DLGAP2: variants seen among roughly 807,000 people sequenced by gnomAD.
The protein encoded by DLGAP2 is disks large-associated protein 2.
A neutral mutation model predicts 100.3 loss-of-function variants in DLGAP2; 26 were observed. The ratio of observed to expected loss-of-function variants is 0.26; its 90% CI spans 0.19 to 0.36. The LOEUF is 0.36. DLGAP2 is among the 10% of genes least tolerant of loss of function. The pLI is 1.00. For synonymous variants in DLGAP2, 886 were observed against 630.1 expected (o/e 1.41, Z -6.08); for missense variants, 1,858 against 1,453.2 (o/e 1.28, Z -4.53).
chr8:1,239,408 T>TCTCA, intron 2 of DLGAP2, among the ~76,000 whole-genome samples: 2 of 17,734 alleles, frequency 1.1e-4, no homozygotes, highest in Admixed American at 5.3e-4. Flanking sequence ...TCTAGTTCTC[T>TCTCA]CACATGGCGC....
At chr8:1,216,892 A>T (rs1798224052) in intron 2 of DLGAP2, among the ~76,000 whole-genome samples, 2 of 152,196 alleles carry the variant, frequency 1.3e-5, no homozygotes. Context: ...GAGGTGTTTA[A>T]TCCCCACACA....
rs540434435 is a variant in DLGAP2 at position 1,347,285 on chromosome 8, C to T, written c.106+88402C>T. On this transcript the variant is annotated intron_variant, in intron 3 of 14. Transcript: ENST00000637795. Reference sequence around the variant, plus strand: ...CCCACATAGAGCTACACTGCACTCACGGTAGCTGTGTGGAGGTTGAGTTCC... The same window carrying T: ...CCCACATAGAGCTACACTGCACTCATGGTAGCTGTGTGGAGGTTGAGTTCC... Among the ~76,000 whole-genome samples the T allele has an allele frequency of 1.9e-3, 234 of 124,978 alleles. 1 individual carries two copies. The highest frequency in any genetic ancestry group is 6.4e-3 in the African/African-American group (207 of 32,342). 82.0% of individuals were successfully genotyped at this position (124,978 alleles called of 152,430 possible). A position where few individuals can be genotyped will look rare whatever the true frequency, so the allele number is the denominator to read the frequency against.
At chr8:1,632,107 A>AGGGAGGGAGGAT in intron 7 of DLGAP2, among the ~76,000 whole-genome samples, 1 of 148,550 alleles carries the variant, frequency 6.7e-6, no homozygotes, top group East Asian at 2.1e-4. Context: ...GAAGGATGGA[A>AGGGAGGGAGGAT]GGGAGGGAGG....
intron 2 of DLGAP2, among the ~76,000 whole-genome samples, chr8:1,210,502 A>G (rs927847501): frequency 6.6e-6 from 1 of 152,204 alleles, no homozygotes; most frequent in Non-Finnish European, 1.5e-5. Context: ...GCGGGCAGGC[A>G]GCTCAGCTCT....
Position 1,244,088 on chromosome 8 carries a change from G to C in DLGAP2, c.74-14763G>C, listed in dbSNP as rs552033494. On this transcript the variant is annotated intron_variant, in intron 2 of 14. Transcript: ENST00000637795. ...TAGGGATGGTGGGTGTCAGCTCTCA[G>C]CCTCTGCATTCCACCGTAGGGATGG... Among the ~76,000 whole-genome samples, 144 of 152,266 alleles carry C rather than the reference G, an allele frequency of 9.5e-4. 1 individual carries two copies. Among genetic ancestry groups the C allele is most frequent in the South Asian group, 2.9e-3 (14 of 4,820 alleles).
chr8:1,625,506 G>A (rs1373543851), intron 6 of DLGAP2, among the ~76,000 whole-genome samples: 1 of 152,202 alleles, frequency 6.6e-6, no homozygotes, highest in Non-Finnish European at 1.5e-5. Flanking sequence ...TTATAAAATG[G>A]TTTTCATTTA....
chr8:981,388 C>T (rs1800327115), intron 2 of DLGAP2, among the ~76,000 whole-genome samples: 1 of 152,112 alleles, frequency 6.6e-6, no homozygotes, highest in South Asian at 2.1e-4. Flanking sequence ...GCAACAACGA[C>T]ACTGGTGTCC....
chr8:883,941 T>C (rs1797870826), intron 1 of DLGAP2, among the ~76,000 whole-genome samples: 1 of 152,232 alleles, frequency 6.6e-6, no homozygotes, highest in Non-Finnish European at 1.5e-5. Context: ...GCTTCCAGCT[T>C]CATCCATGTC....
chr8:826,737 G>C (rs189317452), intron 1 of DLGAP2, among the ~76,000 whole-genome samples: 1 of 152,252 alleles, frequency 6.6e-6, no homozygotes, highest in East Asian at 1.9e-4. Context: ...TCTGCTGCTC[G>C]AGGGACCTCA....
intron 1 of DLGAP2, among the ~76,000 whole-genome samples, chr8:776,669 A>T (rs201163503): frequency 1.3e-5 from 2 of 152,068 alleles, no homozygotes; most frequent in Admixed American, 1.3e-4. Context: ...TTTGAGTGAG[A>T]TTCTTAATCC....
chr8:772,566 G>T (rs926205908), intron 1 of DLGAP2, among the ~76,000 whole-genome samples: 4 of 151,406 alleles, frequency 2.6e-5, no homozygotes, highest in African/African-American at 9.7e-5. Context: ...CAGGTGGTCT[G>T]CCTGCCTCGG....
At chr8:1,263,944 A>G (rs1799401060) in intron 3 of DLGAP2, among the ~76,000 whole-genome samples, 5 of 152,186 alleles carry the variant, frequency 3.3e-5, no homozygotes, top group Non-Finnish European at 7.3e-5. Flanking sequence ...TTGAAGGAAA[A>G]CAGACTCAGC....
At chr8:1,252,850 A>G (rs1037010232) in intron 2 of DLGAP2, among the ~76,000 whole-genome samples, 2 of 152,178 alleles carry the variant, frequency 1.3e-5, no homozygotes, top group African/African-American at 4.8e-5. Context: ...GGAGACTTGG[A>G]AGAGGAAAGA....
At chr8:1,437,972 G>A (rs1439415319) in intron 3 of DLGAP2, among the ~76,000 whole-genome samples, 2 of 151,936 alleles carry the variant, frequency 1.3e-5, no homozygotes, top group African/African-American at 2.4e-5. Flanking sequence ...GGCGACAAGA[G>A]CAAAACTCCA....
intron 3 of DLGAP2, among the ~76,000 whole-genome samples, chr8:1,391,530 A>T (rs11136389): frequency 0.38 from 57,794 of 151,886 alleles, 11,334 homozygotes; most frequent in African/African-American, 0.41. Context: ...TGAGAGTAAG[A>T]TTGGTGTTTT....
intron 3 of DLGAP2, among the ~76,000 whole-genome samples, chr8:1,449,921 G>A (rs7003182): frequency 1.5e-5 from 2 of 136,052 alleles, no homozygotes; most frequent in African/African-American, 2.9e-5. Context: ...GAGGTGGGCG[G>A]CCTCGGTGGC....
chr8:1,475,794 T>C (rs1169632403), intron 3 of DLGAP2, among the ~76,000 whole-genome samples: 2 of 152,198 alleles, frequency 1.3e-5, no homozygotes, highest in African/African-American at 4.8e-5. Context: ...ATAATGCTTC[T>C]AGTGTGTGAT....
intron 12 of DLGAP2, among the ~76,000 whole-genome samples, chr8:1,681,381 C>G (rs1344361500): frequency 1.3e-5 from 2 of 151,994 alleles, no homozygotes; most frequent in Non-Finnish European, 2.9e-5. Context: ...ACCTGTAATC[C>G]CAGCACTTTG....
intron 11 of DLGAP2, 108 bp from the exon 12 acceptor site, chr8:1,678,106 G>C (rs991036506): frequency 7.7e-7 from 1 of 1,297,588 alleles, no homozygotes; most frequent in Admixed American, 2.4e-5. Context: ...CCCTTGAGCC[G>C]CCAGGCTGTT....
Sources: gnomAD v4.1 joint callset for allele counts (sites outside exome capture counted in the v4.1 genomes callset) on GRCh38, gnomAD v4.1.1 for gene constraint, MANE v1.5 for transcripts, NCBI Gene and HGNC (gene_info 2026-07-23, HGNC 2026-07-21) for gene names.